The following UBTF variants were observed in gnomAD, a reference collection of about 807,000 sequenced individuals.
UBTF encodes the protein upstream binding transcription factor, also known as nucleolar transcription factor 1.
In UBTF, 8 loss-of-function variants were observed where a neutral mutation model predicts 112.3. The ratio of observed to expected loss-of-function variants is 0.07; its 90% CI spans 0.04 to 0.13. UBTF has a LOEUF of 0.13. Among genes scored for constraint, UBTF ranks in the 10% least tolerant of loss-of-function variants. UBTF has a pLI of 1.00. For missense variants in UBTF, 457 were observed against 982.1 expected, an observed-to-expected ratio of 0.47 and a Z score of 7.15; for synonymous variants, 417 against 373.1, an observed-to-expected ratio of 1.12 and a Z score of -1.36.
intron 13 of UBTF, 32 bp from the exon 14 acceptor site, chr17:44,210,505 C>A (rs1159087350): frequency 2.6e-6 from 4 of 1,554,944 alleles, no homozygotes; most frequent in Non-Finnish European, 3.4e-6. Flanking sequence ...CAGCCTTCCA[C>A]CCACCCCCAG....
At chr17:44,215,277 A>G (rs1567804566) in intron 5 of UBTF, 5 of 189,574 alleles carry the variant, frequency 2.6e-5, no homozygotes. Flanking sequence ...GGTTACCTTT[A>G]TAAAGACATT....
rs750529023 is a variant in UBTF, at chr17:44,218,233, C to T, written c.-4G>A. 3.1e-6 allele frequency: 5 copies of T among 1,612,124 alleles called. No homozygotes were observed. The highest frequency in any genetic ancestry group is 4.2e-6 in the Non-Finnish European group (5 of 1,179,648). On this transcript the variant is annotated 5_prime_UTR_variant, in exon 2 of 21. Coordinates refer to ENST00000436088, the MANE Select transcript of UBTF (RefSeq NM_014233.4). ...GGCAGTCGGCTTCTCCGTTCATCCTCCAGCTGTCCAGCCACCTCCTCGGTC... is the reference window on the plus strand; with the variant it reads ...GGCAGTCGGCTTCTCCGTTCATCCTTCAGCTGTCCAGCCACCTCCTCGGTC...
At chr17:44,217,018 G>A (rs1171619436) in intron 2 of UBTF, among the ~76,000 whole-genome samples, 8 of 152,210 alleles carry the variant, frequency 5.3e-5, no homozygotes, top group Admixed American at 4.6e-4. Context: ...GGGGAAGAGG[G>A]GTGGAAATGA....
At chr17:44,208,007 TATC>T in intron 17 of UBTF, 96 bp from the exon 18 acceptor site, 2 of 1,502,704 alleles carry the variant, frequency 1.3e-6, no homozygotes, top group Non-Finnish European at 1.8e-6. Context: ...AGCATTTATA[TATC>T]ATCACCCCAT....
At position 44,218,307 on chromosome 17, in the gene UBTF, C is replaced by T; in HGVS notation, c.-67-11G>A. 1.3e-6 allele frequency: 2 copies of T among 1,508,130 alleles called. No individual in the cohort carries two copies. Among genetic ancestry groups the T allele is most frequent in the Non-Finnish European group, 9.1e-7 (1 of 1,098,116 alleles). The allele number at this position is 1,508,130 out of a possible 1,614,324, so 93.4% of individuals were successfully genotyped here. A position where few individuals can be genotyped will look rare whatever the true frequency, so the allele number is the denominator to read the frequency against. On this transcript the variant is annotated splice_polypyrimidine_tract_variant and intron_variant, in intron 1 of 20. Coordinates refer to ENST00000436088, the MANE Select transcript of UBTF (RefSeq NM_014233.4). ...CAAAGCCACCTCACCCTTTGGAAGACATACCAGTTCCCACTCAGGAAGGCT... is the reference window on the plus strand; with the variant it reads ...CAAAGCCACCTCACCCTTTGGAAGATATACCAGTTCCCACTCAGGAAGGCT...
At chr17:44,214,069 CTT>C (rs1237781075) in intron 5 of UBTF, among the ~76,000 whole-genome samples, 1 of 152,174 alleles carries the variant, frequency 6.6e-6, no homozygotes, top group Non-Finnish European at 1.5e-5. Flanking sequence ...CAATGTGTCT[CTT>C]TCTCTTCCTC....
chr17:44,210,580 G>T, intron 13 of UBTF, 107 bp from the exon 14 acceptor site: 1 of 1,422,318 alleles, frequency 7.0e-7, no homozygotes, highest in Non-Finnish European at 9.2e-7. Context: ...ATGGGCTGGT[G>T]CAGATGTCTC....
At chr17:44,218,408 A>T in intron 1 of UBTF, 112 bp from the exon 2 acceptor site, 1 of 640,332 alleles carries the variant, frequency 1.6e-6, no homozygotes, top group Non-Finnish European at 2.7e-6. Flanking sequence ...AGACTCAGCC[A>T]TGACCTTATT....
chr17:44,210,116 A>G lies in UBTF; in HGVS notation c.1626+8T>C. The G allele has an allele frequency of 6.2e-7, 1 of 1,613,840 alleles. No individual in the cohort carries two copies. The highest frequency in any genetic ancestry group is 8.5e-7 in the Non-Finnish European group (1 of 1,179,670). On this transcript the variant is annotated splice_region_variant and intron_variant, in intron 15 of 20. Coordinates refer to ENST00000436088, the MANE Select transcript of UBTF (RefSeq NM_014233.4). ...CAATGAATGGGGTGGCCCCAGCCCCATTCCTACCTCATATCGCTTTTGGTC... is the reference window on the plus strand; with the variant it reads ...CAATGAATGGGGTGGCCCCAGCCCCGTTCCTACCTCATATCGCTTTTGGTC...
Position 44,210,480 on chromosome 17 carries a change from G to A in UBTF, c.1360-7C>T. The A allele has an allele frequency of 6.3e-7, 1 of 1,595,478 alleles. No individual in the cohort carries two copies. ...CTCGGGCCTTGTACTTGGCCTGCGG[G>A]GATGGCCCGGGCGTCAGCCTTCCAC... is the stretch of plus-strand genomic sequence containing the variant. On this transcript the variant is annotated splice_region_variant and splice_polypyrimidine_tract_variant and intron_variant, in intron 13 of 20. Transcript: ENST00000436088.
At chr17:44,209,857 T>C in intron 15 of UBTF, 124 bp from the exon 16 acceptor site, 1 of 1,069,346 alleles carries the variant, frequency 9.4e-7, no homozygotes. Context: ...GAGAAACAGG[T>C]AGCTAGTGAG....
chr17:44,207,555 C>T lies in UBTF; in HGVS notation c.2068G>A (p.Glu690Lys), dbSNP rs1174382476. 1.2e-6 allele frequency: 2 copies of T among 1,614,148 alleles called. No individual in the cohort carries two copies. The highest frequency in any genetic ancestry group is 8.5e-7 in the Non-Finnish European group (1 of 1,180,010). The change falls in exon 20 of 21, where the codon GAG becomes AAG. Residue 690 changes from glutamate to lysine, a missense_variant. Glu to Lys is a moderately conservative substitution (Grantham distance 56). Around this residue, in one of 7 missense-constraint regions of UBTF, gnomAD observed 139 missense variants for 157.5 expected, o/e 0.88. Transcript: ENST00000436088. Reference sequence around the variant, plus strand: ...TCATCATCTTCCTCTTCTTCATCCTCGTCCTCGTCATCCTCATCCTCTTCA... The same window carrying T: ...TCATCATCTTCCTCTTCTTCATCCTTGTCCTCGTCATCCTCATCCTCTTCA... Reference protein sequence around the residue: ...DDEEDEDDEDEDEEEEDDENG... With the variant: ...DDEEDEDDEDKDEEEEDDENG...
chr17:44,210,246 TA>T lies in UBTF; in HGVS notation c.1516-13del. 6.2e-7 allele frequency: 1 copy of T among 1,614,248 alleles called. No individual in the cohort carries two copies. The highest frequency in any genetic ancestry group is 8.5e-7 in the Non-Finnish European group (1 of 1,180,036). Reference sequence around the variant, plus strand: ...TTCACCCGGTCATTCTGGGGACCAATAAGGGTATCAGCCGTGGGAGGGGTCA... The same window carrying T: ...TTCACCCGGTCATTCTGGGGACCAATAGGGTATCAGCCGTGGGAGGGGTCA... On this transcript the variant is annotated splice_polypyrimidine_tract_variant and intron_variant, in intron 14 of 20. Coordinates refer to ENST00000436088, the MANE Select transcript of UBTF (RefSeq NM_014233.4).
intron 2 of UBTF, among the ~76,000 whole-genome samples, chr17:44,217,383 A>AC (rs1375441648): frequency 1.3e-5 from 2 of 152,134 alleles, no homozygotes; most frequent in East Asian, 3.9e-4. Context: ...TCCAGGGAGA[A>AC]CCCCCAGAAT....
At chr17:44,214,674 G>A (rs1041839255) in intron 5 of UBTF, among the ~76,000 whole-genome samples, 3 of 152,102 alleles carry the variant, frequency 2.0e-5, no homozygotes, top group African/African-American at 4.8e-5. Context: ...ACAGCACCAA[G>A]GGCATGTGAG....
At position 44,207,506 on chromosome 17, in the gene UBTF, C is replaced by T; in HGVS notation, c.2117G>A (p.Gly706Asp). The T allele has an allele frequency of 6.2e-7, 1 of 1,614,010 alleles. No homozygotes were observed. Among genetic ancestry groups the T allele is most frequent in the Non-Finnish European group, 8.5e-7 (1 of 1,179,998 alleles). ...GCTGCTGGACTCAGAGGAGTCGCCG[C>T]CATCTTCAGAGGAGTCCCCATTCTC... Reference protein sequence around the residue: ...DDENGDSSEDGGDSSESSSED... With the variant: ...DDENGDSSEDDGDSSESSSED... Residue 706 changes from glycine to aspartate, a missense_variant, in exon 20 of 21, where the codon GGC becomes GAC. Gly to Asp is a moderately conservative substitution (Grantham distance 94). Around this residue, in one of 7 missense-constraint regions of UBTF, gnomAD observed 139 missense variants for 157.5 expected, o/e 0.88. Transcript: ENST00000436088.
intron 16 of UBTF, 26 bp from the exon 17 acceptor site, chr17:44,209,567 G>A (rs763575943): frequency 3.7e-6 from 6 of 1,612,744 alleles, no homozygotes; most frequent in East Asian, 2.2e-5. Context: ...GTAGAAGGAG[G>A]GTCAGGACCC....
chr17:44,211,375 A>G lies in UBTF; in HGVS notation c.1048-44T>C. 1 of 1,610,388 alleles carries G rather than the reference A, an allele frequency of 6.2e-7. No homozygotes were observed. Among genetic ancestry groups the G allele is most frequent in the Non-Finnish European group, 8.5e-7 (1 of 1,177,532 alleles). On this transcript the variant is annotated intron_variant, in intron 10 of 20. Coordinates refer to ENST00000436088, the MANE Select transcript of UBTF (RefSeq NM_014233.4). This position sits in a 1 kb window ranked among gnomAD's most constrained non-coding sequence, Gnocchi z 4.9. The stretch of plus-strand genomic sequence containing the variant: ...TCAGGATCAGTCTGGAGACAGTGTC[A>G]CCACAGACCCTGCAGTACTCGGAGG...
In UBTF at chr17:44,205,601, T is replaced by G. The variant is rs2056200593; in HGVS notation, c.*1641A>C. On this transcript the variant is annotated 3_prime_UTR_variant, in exon 21 of 21. Coordinates refer to ENST00000436088, the MANE Select transcript of UBTF (RefSeq NM_014233.4). ...AAGGCAAAGCAGAGACTGTCTGCCT[T>G]CCTTTGGGAGAGGGACCCACCAGCC... 1 of 152,156 alleles carries G rather than the reference T, an allele frequency of 6.6e-6. No homozygotes were observed. Among genetic ancestry groups the G allele is most frequent in the Non-Finnish European group, 1.5e-5 (1 of 68,040 alleles). 9.4% of individuals were successfully genotyped at this position (152,156 alleles called of 1,614,324 possible). A position where few individuals can be genotyped will look rare whatever the true frequency, so the allele number is the denominator to read the frequency against.
Sources: gnomAD v4.1 joint callset for allele counts (sites outside exome capture counted in the v4.1 genomes callset) on GRCh38, gnomAD v4.1.1 for gene constraint, gnomAD v4.1.1 regional missense constraint, Gnocchi (gnomAD v3.1) non-coding constraint, MANE v1.5 for transcripts, NCBI Gene and HGNC (gene_info 2026-07-23, HGNC 2026-07-21) for gene names.